DAB1: variants seen among roughly 807,000 people sequenced by gnomAD.
DAB1 encodes disabled homolog 1.
Under a neutral mutation model 64.6 loss-of-function variants are expected in DAB1, and 15 were observed. That is an observed-to-expected ratio of 0.23 (90% CI 0.16 to 0.36). DAB1 has a LOEUF of 0.36. DAB1 is among the 10% of genes least tolerant of loss of function. DAB1 has a pLI of 1.00. For synonymous variants in DAB1, 235 were observed against 251.9 expected, an observed-to-expected ratio of 0.93 and a Z score of 0.64; for missense variants, 596 against 706.7, an observed-to-expected ratio of 0.84 and a Z score of 1.78.
chr1:57,754,664 TG>T (rs1279558186), intron 6 of DAB1, among the ~76,000 whole-genome samples: 1 of 145,856 alleles, frequency 6.9e-6, no homozygotes, highest in Non-Finnish European at 1.5e-5. Context: ...CACTCCAGAC[TG>T]GGAGATAGAG....
chr1:58,360,349 A>T (rs1644153238), intron 3 of DAB1, among the ~76,000 whole-genome samples: 2 of 152,224 alleles, frequency 1.3e-5, no homozygotes, highest in South Asian at 4.1e-4. Flanking sequence ...TTGTGGGAAC[A>T]GCAAGCTGTT....
intron 9 of DAB1, among the ~76,000 whole-genome samples, chr1:57,039,385 T>C (rs1647422908): frequency 1.3e-5 from 2 of 152,142 alleles, no homozygotes; most frequent in South Asian, 4.1e-4. Flanking sequence ...AAAATAGTCA[T>C]GGAATTATTT....
rs1006384522 is a variant in DAB1 at position 58,257,266 on chromosome 1, G to A, written n.309+86086C>T. ...CACATTAGTAAGCTCAGGGAGTGACGCAGTTGACAGCTAGGAGAGAGTGAG... is the reference window on the plus strand; with the variant it reads ...CACATTAGTAAGCTCAGGGAGTGACACAGTTGACAGCTAGGAGAGAGTGAG... On this transcript the variant is annotated intron_variant and non_coding_transcript_variant, in intron 4 of 20. Transcript: ENST00000485760. 2.6e-5 allele frequency among the ~76,000 whole-genome samples: 4 copies of A among 152,192 alleles called. No individual in the cohort carries two copies. The South Asian group carries it at 6.2e-4, about 24-fold the overall frequency.
chr1:58,406,929 G>A (rs1176847463), intron 3 of DAB1, among the ~76,000 whole-genome samples: 4 of 152,040 alleles, frequency 2.6e-5, no homozygotes, highest in Admixed American at 2.0e-4. Context: ...GTACCTACCC[G>A]ACATGCCACC....
intron 7 of DAB1, among the ~76,000 whole-genome samples, chr1:57,530,049 A>G (rs1444034312): frequency 6.6e-6 from 1 of 152,166 alleles, no homozygotes; most frequent in East Asian, 1.9e-4. Context: ...TGATTAAAGC[A>G]TCCATAGACT....
chr1:57,662,354 GC>G lies in DAB1; in HGVS notation n.552-12690del, dbSNP rs1233611343. On this transcript the variant is annotated intron_variant and non_coding_transcript_variant, in intron 6 of 20. Transcript: ENST00000485760. Reference sequence around the variant, plus strand: ...TGGAATTACAGGTATGCGCCACCACGCCCGGCTAATTTTGTATTTTTAGTAG... The same window carrying G: ...TGGAATTACAGGTATGCGCCACCACGCCGGCTAATTTTGTATTTTTAGTAG... Among the ~76,000 whole-genome samples, 7 of 152,140 alleles carry G rather than the reference GC, an allele frequency of 4.6e-5. No individual in the cohort carries two copies. In the East Asian group the frequency reaches 1.4e-3, roughly 29 times the overall value.
intron 4 of DAB1, among the ~76,000 whole-genome samples, chr1:58,160,826 A>G (rs1045353177): frequency 2.6e-5 from 4 of 152,154 alleles, no homozygotes; most frequent in Admixed American, 6.5e-5. Flanking sequence ...CAAGACTCCT[A>G]CCAATACCAA....
At chr1:58,124,218 A>G (rs1652923603) in intron 5 of DAB1, among the ~76,000 whole-genome samples, 1 of 142,014 alleles carries the variant, frequency 7.0e-6, no homozygotes, top group South Asian at 2.1e-4. Context: ...ACACACACAC[A>G]TATATATATA....
chr1:58,091,935 A>ACACACACACACAC (rs1650683557), intron 5 of DAB1, among the ~76,000 whole-genome samples: 1 of 141,842 alleles, frequency 7.1e-6, no homozygotes, highest in African/African-American at 2.7e-5. Context: ...AGCTGCATTA[A>ACACACACACACAC]ACACACACAC....
intron 7 of DAB1, among the ~76,000 whole-genome samples, chr1:57,619,987 A>T (rs1457348692): frequency 6.6e-6 from 1 of 152,124 alleles, no homozygotes; most frequent in Admixed American, 6.5e-5. Flanking sequence ...TGGTGACAAG[A>T]ACAACGACTG....
At chr1:57,806,328 T>A (rs78860810) in intron 6 of DAB1, among the ~76,000 whole-genome samples, 265 of 152,206 alleles carry the variant, frequency 1.7e-3, no homozygotes, top group African/African-American at 6.0e-3. Flanking sequence ...ACAGAGGTAA[T>A]CAAGTTAAAA....
intron 4 of DAB1, among the ~76,000 whole-genome samples, chr1:58,227,835 T>C (rs1232714195): frequency 6.6e-6 from 1 of 152,232 alleles, no homozygotes; most frequent in Non-Finnish European, 1.5e-5. Context: ...AAATGTATAA[T>C]GCTTGGATGG....
chr1:57,934,797 A>G (rs1351654516), intron 5 of DAB1, among the ~76,000 whole-genome samples: 1 of 152,182 alleles, frequency 6.6e-6, no homozygotes, highest in Non-Finnish European at 1.5e-5. Context: ...ACATTGTGCC[A>G]TGGATCTTTC....
At chr1:57,381,663 G>A (rs181212160) in intron 1 of DAB1, among the ~76,000 whole-genome samples, 9 of 152,220 alleles carry the variant, frequency 5.9e-5, no homozygotes, top group East Asian at 5.8e-4. Context: ...TCCTGCACAC[G>A]CCATCTGCCT....
At chr1:58,143,154 C>A (rs769445797) in intron 5 of DAB1, among the ~76,000 whole-genome samples, 2 of 152,128 alleles carry the variant, frequency 1.3e-5, no homozygotes, top group Non-Finnish European at 2.9e-5. Flanking sequence ...GAACAGGGAA[C>A]TATTCGTCTG....
intron 1 of DAB1, among the ~76,000 whole-genome samples, chr1:57,331,766 G>A (rs1025594722): frequency 1.3e-5 from 2 of 152,104 alleles, no homozygotes; most frequent in African/African-American, 4.8e-5. Flanking sequence ...TTCTTCTTTT[G>A]TCTCTTGCAC....
At chr1:57,044,944 TACCTC>T (rs1648273554) in intron 9 of DAB1, among the ~76,000 whole-genome samples, 2 of 152,200 alleles carry the variant, frequency 1.3e-5, no homozygotes, top group Admixed American at 1.3e-4. Flanking sequence ...ATTCATATAT[TACCTC>T]ATTTAATTAT....
intron 2 of DAB1, among the ~76,000 whole-genome samples, chr1:57,198,539 C>T (rs1463416503): frequency 6.6e-6 from 1 of 151,888 alleles, no homozygotes; most frequent in Non-Finnish European, 1.5e-5. Flanking sequence ...AATCACCAAA[C>T]CTTTTCCCTT....
intron 4 of DAB1, among the ~76,000 whole-genome samples, chr1:58,325,385 C>A (rs1280107067): frequency 6.6e-6 from 1 of 152,156 alleles, no homozygotes; most frequent in Non-Finnish European, 1.5e-5. Flanking sequence ...TACTGCATAA[C>A]CTTGAATGAA....
Sources: allele counts gnomAD v4.1 joint callset (sites outside exome capture counted in the v4.1 genomes callset), GRCh38; gene constraint gnomAD v4.1.1; transcripts MANE v1.5; gene names NCBI Gene and HGNC (gene_info 2026-07-23, HGNC 2026-07-21).